Variants in ERI3 observed in about 807,000 individuals in gnomAD.
ERI3 encodes ERI1 exoribonuclease 3.
Under a neutral mutation model 44.4 loss-of-function variants are expected in ERI3, and 18 were observed. The ratio of observed to expected loss-of-function variants is 0.41; its 90% CI spans 0.28 to 0.60. The LOEUF is 0.60. Ranked by LOEUF, ERI3 falls within the 20% of genes least tolerant of loss-of-function variation. The pLI, the probability that ERI3 is intolerant of heterozygous loss-of-function variation, is 0.36. For synonymous variants in ERI3, 183 were observed against 164.8 expected, an observed-to-expected ratio of 1.11 and a Z score of -0.84; for missense variants, 294 against 435.5, an observed-to-expected ratio of 0.68 and a Z score of 2.89.
At chr1:44,272,749 AG>A (rs1413637762) in intron 7 of ERI3, among the ~76,000 whole-genome samples, 1 of 152,074 alleles carries the variant, frequency 6.6e-6, no homozygotes, top group Non-Finnish European at 1.5e-5. Context: ...GCTGAGCATG[AG>A]AATCACTTGA....
At chr1:44,249,732 G>A (rs1173556975) in intron 7 of ERI3, among the ~76,000 whole-genome samples, 1 of 152,184 alleles carries the variant, frequency 6.6e-6, no homozygotes, top group Non-Finnish European at 1.5e-5. Context: ...GATGGAGGCA[G>A]TGAGGGAAGC....
intron 8 of ERI3, among the ~76,000 whole-genome samples, chr1:44,231,156 C>T (rs1395002616): frequency 6.6e-5 from 10 of 152,218 alleles, no homozygotes; most frequent in Non-Finnish European, 1.0e-4. Flanking sequence ...AAAGTTTTGA[C>T]GGCGACCCAT....
intron 8 of ERI3, among the ~76,000 whole-genome samples, chr1:44,234,133 ACTCT>A (rs1008931812): frequency 2.7e-5 from 4 of 149,326 alleles, no homozygotes; most frequent in East Asian, 2.0e-4. Flanking sequence ...TTCCCTTCTC[ACTCT>A]CTCTCCGTGG....
intron 4 of ERI3, among the ~76,000 whole-genome samples, chr1:44,319,285 G>A (rs960051431): frequency 6.6e-6 from 1 of 152,248 alleles, no homozygotes; most frequent in Non-Finnish European, 1.5e-5. Flanking sequence ...CTTCCAAGTG[G>A]CTGAAATCTT....
intron 6 of ERI3, among the ~76,000 whole-genome samples, chr1:44,307,596 A>C (rs1645866296): frequency 1.3e-5 from 2 of 152,210 alleles, no homozygotes; most frequent in African/African-American, 4.8e-5. Context: ...GACAAGATGC[A>C]CAAGTGTCAA....
chr1:44,317,680 A>G (rs1221692770), intron 4 of ERI3, among the ~76,000 whole-genome samples: 1 of 152,098 alleles, frequency 6.6e-6, no homozygotes, highest in Non-Finnish European at 1.5e-5. Context: ...GATCAGTTCT[A>G]TGTTGGAATA....
intron 5 of ERI3, among the ~76,000 whole-genome samples, chr1:44,310,684 T>C (rs1474539006): frequency 6.6e-6 from 1 of 152,146 alleles, no homozygotes; most frequent in East Asian, 1.9e-4. Context: ...TCTGAGATGC[T>C]AGAGGCCTGG....
intron 8 of ERI3, among the ~76,000 whole-genome samples, chr1:44,246,599 T>G (rs369440105): frequency 6.6e-6 from 1 of 152,184 alleles, no homozygotes; most frequent in Admixed American, 6.5e-5. Context: ...TGCCCCCATA[T>G]CACTACCTCT....
At position 44,339,134 on chromosome 1, in the gene ERI3, C is replaced by A; in HGVS notation, c.400G>T (p.Ala134Ser). 1 of 1,614,040 alleles carries A rather than the reference C, an allele frequency of 6.2e-7. No homozygotes were observed. The highest frequency in any genetic ancestry group is 1.1e-5 in the South Asian group (1 of 91,068). The part of the protein sequence containing the change: ...AAHGFGASMA[A>S]MVSFPPQRYH... ...CTCTGGGGAGGGAAGGACACCATTG[C>A]CGCCATGGATGCGCCAAAGCCGTGG... Residue 134 changes from alanine to serine, a missense_variant, in exon 3 of 9, where the codon GCA (alanine) becomes TCA (serine). Coordinates refer to ENST00000372257, the MANE Select transcript of ERI3 (RefSeq NM_024066.3).
intron 7 of ERI3, chr1:44,283,861 A>G: frequency 5.4e-6 from 2 of 373,730 alleles, no homozygotes; most frequent in South Asian, 2.0e-5. Flanking sequence ...CTGAGAAAGC[A>G]TTCTCTCCTC....
At chr1:44,274,963 C>G (rs1645153445) in intron 7 of ERI3, among the ~76,000 whole-genome samples, 1 of 152,176 alleles carries the variant, frequency 6.6e-6, no homozygotes, top group South Asian at 2.1e-4. Flanking sequence ...CAGCCCACAA[C>G]TGCCCACTGC....
At chr1:44,278,621 G>C (rs1182107720) in intron 7 of ERI3, among the ~76,000 whole-genome samples, 1 of 151,968 alleles carries the variant, frequency 6.6e-6, no homozygotes, top group Non-Finnish European at 1.5e-5. Context: ...TTTTGAGATG[G>C]AGTCTCGCTC....
At chr1:44,283,420 G>A (rs967874052) in intron 7 of ERI3, among the ~76,000 whole-genome samples, 1 of 152,226 alleles carries the variant, frequency 6.6e-6, no homozygotes, top group African/African-American at 2.4e-5. Context: ...GGAACCTCAA[G>A]GCAAGAGACT....
chr1:44,245,132 G>A (rs1264439215), intron 8 of ERI3, among the ~76,000 whole-genome samples: 8 of 152,088 alleles, frequency 5.3e-5, no homozygotes, highest in Non-Finnish European at 1.2e-4. Flanking sequence ...CTCTTACAGC[G>A]CGACCCTTTT....
chr1:44,304,987 C>T (rs375846873), intron 6 of ERI3, among the ~76,000 whole-genome samples: 3 of 152,324 alleles, frequency 2.0e-5, no homozygotes, highest in African/African-American at 7.2e-5. Flanking sequence ...GGTCCTCTCA[C>T]CAGACTCTGA....
intron 3 of ERI3, among the ~76,000 whole-genome samples, chr1:44,336,764 G>C (rs754204630): frequency 6.6e-6 from 1 of 152,114 alleles, no homozygotes; most frequent in Non-Finnish European, 1.5e-5. Context: ...GCTTCTTCCC[G>C]AGTTCTCTAA....
intron 7 of ERI3, among the ~76,000 whole-genome samples, chr1:44,271,445 A>G (rs1004624322): frequency 6.6e-6 from 1 of 152,178 alleles, no homozygotes; most frequent in African/African-American, 2.4e-5. Flanking sequence ...CACACCCCAA[A>G]TAAAAATGAC....
At chr1:44,251,938 G>C (rs1644689416) in intron 7 of ERI3, among the ~76,000 whole-genome samples, 1 of 152,188 alleles carries the variant, frequency 6.6e-6, no homozygotes, top group South Asian at 2.1e-4. Context: ...ATCAGTGTGG[G>C]GCAGGAATCT....
chr1:44,343,909 T>C (rs1646733911), intron 2 of ERI3, among the ~76,000 whole-genome samples: 1 of 152,120 alleles, frequency 6.6e-6, no homozygotes, highest in African/African-American at 2.4e-5. Context: ...AACTTTTATG[T>C]AAATTTGGGC....
Sources: allele counts gnomAD v4.1 joint callset (sites outside exome capture counted in the v4.1 genomes callset), GRCh38; gene constraint gnomAD v4.1.1; transcripts MANE v1.5; gene names NCBI Gene and HGNC (gene_info 2026-07-23, HGNC 2026-07-21).